The following XKR6 variants were observed in gnomAD, a reference collection of about 807,000 sequenced individuals.
XKR6 encodes the protein XK-related protein 6.
A neutral mutation model predicts 56.7 loss-of-function variants in XKR6; 22 were observed. That is an observed-to-expected ratio of 0.39 (90% CI 0.28 to 0.55). XKR6 has a LOEUF of 0.55. Ranked by LOEUF, XKR6 falls within the 20% of genes least tolerant of loss-of-function variation. The pLI, the probability that XKR6 is intolerant of heterozygous loss-of-function variation, is 0.66. For synonymous variants in XKR6, 524 were observed against 387.8 expected (o/e 1.35, Z -4.13); for missense variants, 852 against 889.0 (o/e 0.96, Z 0.53).
rs140830772 is a variant in XKR6, at chr8:11,069,596, G to C, written c.764+130980C>G. Among the ~76,000 whole-genome samples, 355 of 152,180 alleles carry C rather than the reference G, an allele frequency of 2.3e-3. 1 individual carries two copies. Among genetic ancestry groups the C allele is most frequent in the African/African-American group, 8.4e-3 (347 of 41,520 alleles). ...CCATCTTCCCCTGCCCCCAAGCTGA[G>C]CATAAAAGAAAGCACCCTAGAGTGC... On this transcript the variant is annotated intron_variant, in intron 1 of 2. Transcript: ENST00000416569.
In XKR6 at chr8:11,116,599, G is replaced by A. The variant is rs572151766; in HGVS notation, c.764+83977C>T. The stretch of plus-strand genomic sequence containing the variant: ...TTGGCCAGGCTGGTCTCGCACTCCT[G>A]ACCACAGGTGATCCACCTGTCTCAG... On this transcript the variant is annotated intron_variant, in intron 1 of 2. Coordinates refer to ENST00000416569, the MANE Select transcript of XKR6 (RefSeq NM_173683.4). Among the ~76,000 whole-genome samples the A allele has an allele frequency of 2.0e-5, 3 of 152,252 alleles. No individual in the cohort carries two copies. In the South Asian group the frequency reaches 6.2e-4, roughly 32 times the overall value.
Position 10,989,582 on chromosome 8 carries a change from C to A in XKR6, c.765-64752G>T, listed in dbSNP as rs7003506. ...GAAGAGGTTTAAATCTGGGTTTCAA[C>A]TGATGAACAGGTAACATTCTGTAAG... On this transcript the variant is annotated intron_variant, in intron 1 of 2. Transcript: ENST00000416569. Among the ~76,000 whole-genome samples, 1,241 of 151,566 alleles carry A rather than the reference C, an allele frequency of 8.2e-3. 18 individuals carry two copies. The highest frequency in any genetic ancestry group is 0.029 in the African/African-American group (1,200 of 41,444).
chr8:11,076,443 C>T (rs1292426383), intron 1 of XKR6, among the ~76,000 whole-genome samples: 2 of 152,124 alleles, frequency 1.3e-5, no homozygotes, highest in Non-Finnish European at 2.9e-5. Context: ...TGTTGGGTCC[C>T]AGCCTGACCC....
chr8:11,139,304 T>C (rs1320539119), intron 1 of XKR6, among the ~76,000 whole-genome samples: 1 of 152,128 alleles, frequency 6.6e-6, no homozygotes, highest in Non-Finnish European at 1.5e-5. Context: ...ATTTCTTACG[T>C]AACTCAAAGA....
At chr8:11,019,830 G>A (rs148311309) in intron 1 of XKR6, among the ~76,000 whole-genome samples, 3 of 152,344 alleles carry the variant, frequency 2.0e-5, no homozygotes, top group Non-Finnish European at 2.9e-5. Context: ...TGGCCTCTGA[G>A]GATGCTGTAC....
intron 1 of XKR6, among the ~76,000 whole-genome samples, chr8:10,987,734 C>T (rs1797895171): frequency 6.6e-6 from 1 of 152,212 alleles, no homozygotes; most frequent in Non-Finnish European, 1.5e-5. Context: ...TACTATGGCC[C>T]CAAGATTTCC....
chr8:10,974,423 C>T (rs976542351), intron 1 of XKR6, among the ~76,000 whole-genome samples: 4 of 152,186 alleles, frequency 2.6e-5, no homozygotes, highest in Non-Finnish European at 4.4e-5. Flanking sequence ...TGAAACCACC[C>T]GCTCAGAGGG....
intron 1 of XKR6, among the ~76,000 whole-genome samples, chr8:11,052,971 A>G (rs1425266950): frequency 6.6e-6 from 1 of 152,130 alleles, no homozygotes; most frequent in African/African-American, 2.4e-5. Flanking sequence ...GTTTGGTCAC[A>G]GTGCTGAGGG....
chr8:10,949,802 G>A (rs542740896), intron 1 of XKR6, among the ~76,000 whole-genome samples: 5 of 152,170 alleles, frequency 3.3e-5, no homozygotes, highest in Non-Finnish European at 7.3e-5. Flanking sequence ...AGTTGGGTGG[G>A]GGAGGGTACG....
chr8:11,168,729 C>T (rs1802212074), intron 1 of XKR6, among the ~76,000 whole-genome samples: 1 of 152,122 alleles, frequency 6.6e-6, no homozygotes, highest in South Asian at 2.1e-4. Flanking sequence ...AGGTCCTTGG[C>T]AAAACTCCTT....
chr8:11,181,262 ATATG>A lies in XKR6; in HGVS notation c.764+19310_764+19313del, dbSNP rs1188193953. 2.6e-5 allele frequency among the ~76,000 whole-genome samples: 4 copies of A among 152,350 alleles called. No homozygotes were observed. In the East Asian group the frequency reaches 7.7e-4, roughly 29 times the overall value. On this transcript the variant is annotated intron_variant, in intron 1 of 2. Transcript: ENST00000416569. ...GAACGTTTTTCAGTCAAAAGCTTAC[ATATG>A]TATGATATTTCATAATGAAATTTTT... is the stretch of plus-strand genomic sequence containing the variant.
intron 1 of XKR6, among the ~76,000 whole-genome samples, chr8:11,121,558 G>A (rs1333988264): frequency 6.6e-6 from 1 of 152,210 alleles, no homozygotes. Flanking sequence ...AGGATGTGGA[G>A]AAACAGGAAC....
At chr8:11,087,256 G>C (rs1012248084) in intron 1 of XKR6, among the ~76,000 whole-genome samples, 1 of 152,272 alleles carries the variant, frequency 6.6e-6, no homozygotes, top group East Asian at 1.9e-4. Context: ...TCCCAGCAAA[G>C]ATCCCACTTG....
intron 1 of XKR6, among the ~76,000 whole-genome samples, chr8:10,996,013 T>A (rs1273175093): frequency 3.3e-5 from 5 of 152,144 alleles, no homozygotes; most frequent in East Asian, 1.9e-4. Flanking sequence ...TTTAAATAGA[T>A]CCTCTCTATA....
chr8:11,137,944 T>C (rs973536399), intron 1 of XKR6: 1 of 351,334 alleles, frequency 2.8e-6, no homozygotes, highest in African/African-American at 2.1e-5. Context: ...TTGATCACAG[T>C]AAACCCACCA....
intron 1 of XKR6, among the ~76,000 whole-genome samples, chr8:10,944,692 G>C (rs1341710559): frequency 6.6e-6 from 1 of 152,136 alleles, no homozygotes; most frequent in Non-Finnish European, 1.5e-5. Context: ...CTGGCTCCGA[G>C]AAACTTCTAT....
intron 1 of XKR6, among the ~76,000 whole-genome samples, chr8:11,115,592 C>G (rs1389164289): frequency 6.6e-6 from 1 of 152,094 alleles, no homozygotes; most frequent in Admixed American, 6.5e-5. Context: ...GCTGGTTCTA[C>G]ATATACCAAT....
chr8:10,983,191 TA>T (rs1168871385), intron 1 of XKR6, among the ~76,000 whole-genome samples: 1 of 152,068 alleles, frequency 6.6e-6, no homozygotes, highest in Non-Finnish European at 1.5e-5. Context: ...AATTAAAAAG[TA>T]ATGAATCAAA....
intron 1 of XKR6, among the ~76,000 whole-genome samples, chr8:11,145,150 CA>C (rs949629047): frequency 5.3e-5 from 8 of 152,010 alleles, no homozygotes; most frequent in African/African-American, 1.9e-4. Context: ...ACATGATACT[CA>C]AAGGAAATGC....
Sources: gnomAD v4.1 joint callset for allele counts (sites outside exome capture counted in the v4.1 genomes callset) on GRCh38, gnomAD v4.1.1 for gene constraint, MANE v1.5 for transcripts, NCBI Gene and HGNC (gene_info 2026-07-23, HGNC 2026-07-21) for gene names.